SLC2A9: variants seen among roughly 807,000 people sequenced by gnomAD.
SLC2A9 encodes solute carrier family 2, facilitated glucose transporter member 9.
Under a neutral mutation model 50.6 loss-of-function variants are expected in SLC2A9, and 39 were observed. That is an observed-to-expected ratio of 0.77 (90% CI 0.60 to 1.01). SLC2A9 has a LOEUF of 1.01. Among genes scored for constraint, SLC2A9 ranks in the 50% least tolerant of loss-of-function variants. The pLI is 0.00. For missense variants in SLC2A9, 686 were observed against 677.6 expected (o/e 1.01, Z -0.14); for synonymous variants, 324 against 276.9 (o/e 1.17, Z -1.69).
intron 8 of SLC2A9, among the ~76,000 whole-genome samples, chr4:9,897,644 T>C (rs1205900416): frequency 1.3e-5 from 2 of 152,066 alleles, no homozygotes; most frequent in Non-Finnish European, 2.9e-5. Flanking sequence ...CCCAGCACTT[T>C]GGGAGGCCAA....
chr4:9,846,264 T>A (rs542164038), intron 10 of SLC2A9, among the ~76,000 whole-genome samples: 4 of 152,214 alleles, frequency 2.6e-5, no homozygotes, highest in Non-Finnish European at 5.9e-5. Flanking sequence ...AGCCAAGATA[T>A]ATCAGCAAAT....
At chr4:9,982,135 C>T (rs184493683) in intron 4 of SLC2A9, among the ~76,000 whole-genome samples, 2 of 152,360 alleles carry the variant, frequency 1.3e-5, no homozygotes, top group Admixed American at 1.3e-4. Flanking sequence ...CTGCCTTGGC[C>T]TCCCAAAGTG....
chr4:9,797,353 C>A (rs1720713787), downstream of SLC2A9, among the ~76,000 whole-genome samples: 1 of 152,220 alleles, frequency 6.6e-6, no homozygotes, highest in Non-Finnish European at 1.5e-5. Flanking sequence ...TAGAAAATGG[C>A]TAAGCCTAGA....
intron 6 of SLC2A9, among the ~76,000 whole-genome samples, chr4:9,936,864 T>C (rs1747179862): frequency 6.6e-6 from 1 of 152,162 alleles, no homozygotes; most frequent in African/African-American, 2.4e-5. Flanking sequence ...CTGTTGTTTT[T>C]GAGAAAACCA....
chr4:9,821,695 G>A (rs931469782), downstream of SLC2A9, among the ~76,000 whole-genome samples: 1 of 152,172 alleles, frequency 6.6e-6, no homozygotes, highest in African/African-American at 2.4e-5. Context: ...TTGGTCTGCA[G>A]TTTTATTTTC....
At chr4:9,799,046 T>C (rs2108916608), downstream of SLC2A9, 1 of 152,374 alleles carries the variant, frequency 6.6e-6, no homozygotes, top group South Asian at 2.1e-4. Flanking sequence ...GCAGAAGAAC[T>C]GACTCCTATG....
At chr4:9,857,657 C>A (rs1326239401) in intron 10 of SLC2A9, among the ~76,000 whole-genome samples, 2 of 152,224 alleles carry the variant, frequency 1.3e-5, no homozygotes, top group African/African-American at 2.4e-5. Context: ...TGTCTTCCCC[C>A]ACAGTCTCCC....
intron 2 of SLC2A9, chr4:10,009,331 A>G (rs1761364767): frequency 6.6e-6 from 1 of 152,234 alleles, no homozygotes; most frequent in Admixed American, 6.5e-5. Context: ...TGAAAGCACC[A>G]GAACTTGCTT....
At chr4:9,985,846 T>TGG (rs1048458316) in intron 3 of SLC2A9, 53 bp from the exon 4 acceptor site, 83 of 1,612,702 alleles carry the variant, frequency 5.1e-5, no homozygotes, top group Non-Finnish European at 6.9e-5. Context: ...GGCATGTCAC[T>TGG]GAACTGTCCA....
intron 9 of SLC2A9, among the ~76,000 whole-genome samples, chr4:9,888,923 CACTA>C (rs1163095575): frequency 6.6e-6 from 1 of 152,108 alleles, no homozygotes; most frequent in Non-Finnish European, 1.5e-5. Context: ...CTCACTCACT[CACTA>C]ATTCAGCTGA....
chr4:9,889,411 C>T (rs764575236), intron 9 of SLC2A9, among the ~76,000 whole-genome samples: 1 of 152,170 alleles, frequency 6.6e-6, no homozygotes, highest in Non-Finnish European at 1.5e-5. Flanking sequence ...AAACTTCGGA[C>T]ACAAGTTTCA....
At chr4:10,019,223 G>A (rs1763187747) in intron 1 of SLC2A9, 150 bp from the exon 2 acceptor site, 1 of 676,974 alleles carries the variant, frequency 1.5e-6, no homozygotes. Context: ...AGAGACGCAA[G>A]TTGGGGACCT....
rs148652620 is a variant in SLC2A9, at chr4:10,000,470, A to G, written c.250-3529T>C. Among the ~76,000 whole-genome samples the G allele has an allele frequency of 3.3e-5, 5 of 152,344 alleles. No individual in the cohort carries two copies. The East Asian group carries it at 7.7e-4, about 24-fold the overall frequency. On this transcript the variant is annotated intron_variant, in intron 2 of 11. Coordinates refer to ENST00000264784, the MANE Select transcript of SLC2A9 (RefSeq NM_020041.3). ...AAATTTACAGGAGTGGTGAGCTTCA[A>G]GGATGGCCCATCTGGTGACTCAGTA...
chr4:9,980,008 C>T (rs1287897297), intron 5 of SLC2A9, among the ~76,000 whole-genome samples: 1 of 149,908 alleles, frequency 6.7e-6, no homozygotes, highest in African/African-American at 2.5e-5. Context: ...TTGAGTTTAC[C>T]CCACCCCATT....
upstream of SLC2A9, among the ~76,000 whole-genome samples, chr4:10,024,784 G>A (rs1388110668): frequency 6.6e-6 from 1 of 152,168 alleles, no homozygotes; most frequent in African/African-American, 2.4e-5. Flanking sequence ...AAGTTGTCTT[G>A]GACAAGGTGG....
At chr4:10,026,695 C>A (rs1401149760) in intron 1 of SLC2A9, among the ~76,000 whole-genome samples, 1 of 152,182 alleles carries the variant, frequency 6.6e-6, no homozygotes, top group Non-Finnish European at 1.5e-5. Context: ...AGAAGTGAAG[C>A]GCTGATACAG....
intron 1 of SLC2A9, chr4:10,019,438 G>C: frequency 2.8e-6 from 1 of 363,084 alleles, no homozygotes; most frequent in Admixed American, 4.1e-5. Flanking sequence ...GACTCCAAGC[G>C]CTATCAGCCA....
intron 10 of SLC2A9, among the ~76,000 whole-genome samples, chr4:9,845,389 T>C (rs1419420202): frequency 6.6e-6 from 1 of 151,178 alleles, no homozygotes; most frequent in Admixed American, 6.6e-5. Context: ...AATTCATATT[T>C]ATTAAAATTA....
chr4:9,885,977 C>G (rs1445206612), intron 10 of SLC2A9, among the ~76,000 whole-genome samples: 1 of 152,216 alleles, frequency 6.6e-6, no homozygotes, highest in African/African-American at 2.4e-5. Context: ...AATGAGTACG[C>G]AGGAAACCAA....
Sources: allele counts gnomAD v4.1 joint callset (sites outside exome capture counted in the v4.1 genomes callset), GRCh38; gene constraint gnomAD v4.1.1; transcripts MANE v1.5; gene names NCBI Gene and HGNC (gene_info 2026-07-23, HGNC 2026-07-21).